The following RELN variants were observed in gnomAD, a reference collection of about 807,000 sequenced individuals.
RELN encodes the protein reelin.
A neutral mutation model predicts 427.6 loss-of-function variants in RELN; 108 were observed. The observed-to-expected ratio is 0.25, with a 90% CI of 0.22 to 0.30. RELN has a LOEUF of 0.30. RELN is among the 10% of genes least tolerant of loss of function. The pLI, the probability that RELN is intolerant of heterozygous loss-of-function variation, is 1.00. For missense variants in RELN, 3,715 were observed against 4,302.8 expected (o/e 0.86, Z 3.82); for synonymous variants, 1,524 against 1,513.4 (o/e 1.01, Z -0.16).
intron 2 of RELN, among the ~76,000 whole-genome samples, chr7:103,870,344 G>T (rs7794946): frequency 6.6e-6 from 1 of 151,380 alleles, no homozygotes. Flanking sequence ...ATCTGGTTTC[G>T]GTTTTTTTTT....
chr7:103,780,008 G>T (rs761473686), intron 3 of RELN, among the ~76,000 whole-genome samples: 15 of 152,224 alleles, frequency 9.9e-5, no homozygotes. Context: ...TTACAGGTGT[G>T]AGCGACCACA....
chr7:103,500,931 A>G lies in RELN; in HGVS notation c.8490-9T>C. On this transcript the variant is annotated splice_polypyrimidine_tract_variant and intron_variant, in intron 52 of 64. Coordinates refer to ENST00000428762, the MANE Select transcript of RELN (RefSeq NM_005045.4). ...ACCTAAACCTTACCGGACTATTGAC[A>G]ATGCAAAAGCAAAGGAGTGAAAAAC... 2 of 1,613,934 alleles carry G rather than the reference A, an allele frequency of 1.2e-6. No homozygotes were observed. The highest frequency in any genetic ancestry group is 1.7e-6 in the Non-Finnish European group (2 of 1,179,828).
At chr7:103,523,717 A>C (rs1428768167) in intron 46 of RELN, among the ~76,000 whole-genome samples, 186 bp from the exon 47 acceptor site, 1 of 152,032 alleles carries the variant, frequency 6.6e-6, no homozygotes, top group African/African-American at 2.4e-5. Context: ...TTGCTCTGTC[A>C]CCCGGGCTGG....
chr7:103,535,512 T>C, intron 45 of RELN, 28 bp from the exon 46 acceptor site: 1 of 1,590,990 alleles, frequency 6.3e-7, no homozygotes. Context: ...ATTTTGGATA[T>C]AAACACATAT....
chr7:103,813,973 G>A (rs529249291), intron 3 of RELN, among the ~76,000 whole-genome samples: 7 of 152,044 alleles, frequency 4.6e-5, no homozygotes, highest in South Asian at 2.1e-4. Context: ...CCCACATGAC[G>A]GTATTTTTAA....
chr7:103,674,229 G>A (rs1050920620), intron 11 of RELN, among the ~76,000 whole-genome samples: 11 of 151,866 alleles, frequency 7.2e-5, no homozygotes, highest in African/African-American at 1.9e-4. Context: ...TCCATTTCTC[G>A]CATCTCTAAT....
chr7:103,675,358 C>T (rs1275782026), intron 11 of RELN, among the ~76,000 whole-genome samples: 1 of 152,108 alleles, frequency 6.6e-6, no homozygotes, highest in African/African-American at 2.4e-5. Context: ...TCAGGGAGAA[C>T]TACAAACCAC....
At chr7:103,888,866 C>T (rs993236472) in intron 2 of RELN, among the ~76,000 whole-genome samples, 4 of 152,182 alleles carry the variant, frequency 2.6e-5, no homozygotes, top group Non-Finnish European at 4.4e-5. Context: ...CAGATCCCAA[C>T]CACTTGCACT....
intron 19 of RELN, 140 bp downstream of exon 19, chr7:103,635,285 T>C: frequency 1.2e-6 from 1 of 854,526 alleles, no homozygotes; most frequent in East Asian, 2.7e-5. Context: ...CTTGGTAGTT[T>C]TTCACTGCAA....
At position 103,472,211 on chromosome 7, in the gene RELN, T is replaced by A. The variant is rs1827881367; in HGVS notation, c.*601A>T. The A allele has an allele frequency of 6.4e-6, 1 of 156,396 alleles. No individual in the cohort carries two copies. Among genetic ancestry groups the A allele is most frequent in the African/African-American group, 2.4e-5 (1 of 41,480 alleles). 9.7% of individuals were successfully genotyped at this position (156,396 alleles called of 1,614,324 possible). A position where few individuals can be genotyped will look rare whatever the true frequency, so the allele number is the denominator to read the frequency against. ...AACCAACATACATTTTTAAGGAGTA[T>A]ATTAAAGGAGATACAATATCTTTAC... On this transcript the variant is annotated 3_prime_UTR_variant, in exon 65 of 65. Coordinates refer to ENST00000428762, the MANE Select transcript of RELN (RefSeq NM_005045.4).
intron 6 of RELN, among the ~76,000 whole-genome samples, chr7:103,743,014 A>T (rs1414108245): frequency 6.6e-6 from 1 of 150,484 alleles, no homozygotes; most frequent in African/African-American, 2.5e-5. Context: ...GCCAGAGAGA[A>T]AGGTCGGGTT....
In RELN at chr7:103,575,289, T is replaced by C. The variant is rs78751396; in HGVS notation, c.4303+259A>G. ...TGGCATGAAGTAGGACCTCAAGCAG[T>C]ATTAATTATTATTGCTATGAATAAT... On this transcript the variant is annotated intron_variant, in intron 29 of 64. Coordinates refer to ENST00000428762, the MANE Select transcript of RELN (RefSeq NM_005045.4). Among the ~76,000 whole-genome samples the C allele has an allele frequency of 6.9e-3, 1,055 of 152,318 alleles. 20 individuals carry two copies. The highest frequency in any genetic ancestry group is 0.024 in the African/African-American group (994 of 41,570).
chr7:103,667,722 G>A (rs542850428), intron 11 of RELN, among the ~76,000 whole-genome samples: 2 of 152,170 alleles, frequency 1.3e-5, no homozygotes, highest in South Asian at 2.1e-4. Flanking sequence ...AGCTATTTTA[G>A]GTAAAATGTT....
intron 29 of RELN, 115 bp downstream of exon 29, chr7:103,575,433 A>T (rs1830975913): frequency 4.9e-6 from 6 of 1,223,796 alleles, no homozygotes; most frequent in East Asian, 4.7e-5. Context: ...TACAATTCCT[A>T]GACTTAAAGA....
intron 2 of RELN, among the ~76,000 whole-genome samples, chr7:103,879,853 T>G (rs896354055): frequency 6.6e-6 from 1 of 152,146 alleles, no homozygotes; most frequent in African/African-American, 2.4e-5. Context: ...AATAAAAACA[T>G]TTTTCTAAAA....
intron 1 of RELN, among the ~76,000 whole-genome samples, chr7:103,924,943 A>C (rs765806104): frequency 2.1e-5 from 3 of 145,304 alleles, no homozygotes; most frequent in African/African-American, 5.1e-5. Flanking sequence ...ACCCCAACCC[A>C]CCCTACAAGC....
chr7:103,547,177 T>C (rs1023471652), intron 41 of RELN, among the ~76,000 whole-genome samples: 1 of 152,244 alleles, frequency 6.6e-6, no homozygotes, highest in East Asian at 1.9e-4. Context: ...GTTTTCTGTT[T>C]GAGAAACAGA....
At chr7:103,682,382 C>T (rs1252747812) in intron 10 of RELN, 121 bp from the exon 11 acceptor site, 2 of 1,013,020 alleles carry the variant, frequency 2.0e-6, no homozygotes, top group African/African-American at 3.2e-5. Context: ...ATGATGGACT[C>T]TCAAATCAAA....
In RELN at chr7:103,675,001, ACTCC is replaced by A. The variant is rs1353633123; in HGVS notation, c.1289+7111_1289+7114del. 2.3e-4 allele frequency among the ~76,000 whole-genome samples: 35 copies of A among 152,164 alleles called. 1 individual carries two copies. The highest frequency in any genetic ancestry group is 8.4e-4 in the African/African-American group (35 of 41,504). ...CAAGACAGAGATGCCCTCTCTCACC[ACTCC>A]TATTCAACATAGTGTTGGAAGTTCT... On this transcript the variant is annotated intron_variant, in intron 11 of 64. Transcript: ENST00000428762.
Sources: allele counts gnomAD v4.1 joint callset (sites outside exome capture counted in the v4.1 genomes callset), GRCh38; gene constraint gnomAD v4.1.1; transcripts MANE v1.5; gene names NCBI Gene and HGNC (gene_info 2026-07-23, HGNC 2026-07-21).